Variants in PTPRN2 observed in about 807,000 individuals in gnomAD.
The protein encoded by PTPRN2 is protein tyrosine phosphatase receptor type N2.
PTPRN2 carries 74 observed loss-of-function variants against 118.8 expected under a neutral mutation model. That is an observed-to-expected ratio of 0.62 (90% CI 0.52 to 0.76). PTPRN2 has a LOEUF of 0.76. Among genes scored for constraint, PTPRN2 ranks in the 30% least tolerant of loss-of-function variants. PTPRN2 has a pLI of 0.00. For missense variants in PTPRN2, 1,481 were observed against 1,394.4 expected, an observed-to-expected ratio of 1.06 and a Z score of -0.99; for synonymous variants, 641 against 608.0, an observed-to-expected ratio of 1.05 and a Z score of -0.80.
intron 21 of PTPRN2, among the ~76,000 whole-genome samples, chr7:157,551,941 G>A (rs1396935146): frequency 1.5e-5 from 2 of 136,610 alleles, no homozygotes; most frequent in African/African-American, 2.8e-5. Context: ...GCACCCCACA[G>A]CCACCACACA....
chr7:158,439,272 C>T (rs1586673663), intron 2 of PTPRN2, among the ~76,000 whole-genome samples: 1 of 152,194 alleles, frequency 6.6e-6, no homozygotes, highest in Non-Finnish European at 1.5e-5. Context: ...CATGCCTCAG[C>T]CCCCGACCAC....
At position 158,426,116 on chromosome 7, in the gene PTPRN2, CCG is replaced by C. The variant is rs1815733799; in HGVS notation, c.163+63617_163+63618del. 5.0e-4 allele frequency among the ~76,000 whole-genome samples: 2 copies of C among 3,978 alleles called. 1 individual carries two copies. Among genetic ancestry groups the C allele is most frequent in the Non-Finnish European group, 7.6e-4 (2 of 2,626 alleles). The allele number at this position is 3,978 out of a possible 152,430, so 2.6% of individuals were successfully genotyped here. The stretch of plus-strand genomic sequence containing the variant: ...CGCACCGCCGGGAAAGACGCGGTGT[CCG>C]AGACCAGCCTAGCTGAGGCCTGCGC... On this transcript the variant is annotated intron_variant, in intron 2 of 22. Coordinates refer to ENST00000389418, the MANE Select transcript of PTPRN2 (RefSeq NM_002847.5).
At position 158,546,727 on chromosome 7, in the gene PTPRN2, C is replaced by T. The variant is rs1459105672; in HGVS notation, c.112+40831G>A. Among the ~76,000 whole-genome samples the T allele has an allele frequency of 1.3e-5, 2 of 152,230 alleles. No homozygotes were observed. The highest frequency in any genetic ancestry group is 4.8e-5 in the African/African-American group (2 of 41,458). ...TTGCCTTGGTGAAGACCCCAGCCAC[C>T]AGCCTGGGAGGCCCGGTCACCCCAC... On this transcript the variant is annotated intron_variant, in intron 1 of 22. Transcript: ENST00000389418. This position sits in a 1 kb window ranked among gnomAD's most constrained non-coding sequence, Gnocchi z 5.0.
intron 3 of PTPRN2, among the ~76,000 whole-genome samples, chr7:158,253,379 C>T (rs560188316): frequency 3.9e-5 from 6 of 152,334 alleles, no homozygotes; most frequent in Admixed American, 6.5e-5. Flanking sequence ...CTTTTAACAA[C>T]GTGCTCCTTT....
intron 10 of PTPRN2, among the ~76,000 whole-genome samples, chr7:158,104,528 C>T (rs1440193292): frequency 6.6e-6 from 1 of 152,020 alleles, no homozygotes; most frequent in Non-Finnish European, 1.5e-5. Context: ...GAGAGGAGAA[C>T]AGAAGGGAGA....
At chr7:158,425,413 G>A (rs1273180835) in intron 2 of PTPRN2, among the ~76,000 whole-genome samples, 5 of 40,520 alleles carry the variant, frequency 1.2e-4, no homozygotes, top group Admixed American at 2.3e-4. Context: ...GGAAAGACGC[G>A]GGGTCCGAGA....
chr7:157,896,764 A>G (rs866526542), intron 12 of PTPRN2, among the ~76,000 whole-genome samples: 1 of 152,222 alleles, frequency 6.6e-6, no homozygotes, highest in African/African-American at 2.4e-5. Context: ...CACATGGCAG[A>G]AGCCACTTGG....
intron 11 of PTPRN2, among the ~76,000 whole-genome samples, chr7:158,069,261 C>T (rs1194848916): frequency 6.6e-6 from 1 of 152,190 alleles, no homozygotes; most frequent in Admixed American, 6.5e-5. Context: ...TGGTTGTGAC[C>T]ATGGTTGTGA....
At chr7:158,491,427 C>A (rs1821435688) in intron 1 of PTPRN2, among the ~76,000 whole-genome samples, 1 of 152,166 alleles carries the variant, frequency 6.6e-6, no homozygotes, top group African/African-American at 2.4e-5. Flanking sequence ...CCAATCCAAG[C>A]AGAGATTGTT....
intron 2 of PTPRN2, among the ~76,000 whole-genome samples, chr7:158,342,133 C>T (rs1210443749): frequency 1.3e-5 from 2 of 148,282 alleles, no homozygotes; most frequent in Non-Finnish European, 3.0e-5. Flanking sequence ...ACCATAAGAG[C>T]TGTCGCCCGC....
chr7:157,540,996 G>A (rs948803051), intron 22 of PTPRN2, among the ~76,000 whole-genome samples: 2 of 152,238 alleles, frequency 1.3e-5, no homozygotes, highest in African/African-American at 4.8e-5. Flanking sequence ...CGGTTTGGGA[G>A]ACACAACAGT....
At chr7:157,651,334 G>A (rs187358087) in intron 14 of PTPRN2, among the ~76,000 whole-genome samples, 267 of 152,314 alleles carry the variant, frequency 1.8e-3, no homozygotes, top group African/African-American at 6.2e-3. Context: ...GACTCTCCAA[G>A]GATGAGCGAA....
Position 158,138,517 on chromosome 7 carries a change from T to C in PTPRN2, c.911-2A>G, listed in dbSNP as rs772529540. ...TCAGGAGGGTATGAATCCGTGCTCCTAGGGGCACACACACAAACACAAGGA... is the reference window on the plus strand; with the variant it reads ...TCAGGAGGGTATGAATCCGTGCTCCCAGGGGCACACACACAAACACAAGGA... On this transcript the variant is annotated splice_acceptor_variant, in intron 6 of 22. Coordinates refer to ENST00000389418, the MANE Select transcript of PTPRN2 (RefSeq NM_002847.5). LOFTEE classifies it high-confidence loss of function. 3 of 1,609,836 alleles carry C rather than the reference T, an allele frequency of 1.9e-6. No individual in the cohort carries two copies. Among genetic ancestry groups the C allele is most frequent in the South Asian group, 1.1e-5 (1 of 91,062 alleles).
intron 11 of PTPRN2, among the ~76,000 whole-genome samples, chr7:158,018,243 GT>G (rs1239404088): frequency 6.6e-6 from 1 of 152,224 alleles, no homozygotes; most frequent in African/African-American, 2.4e-5. Flanking sequence ...CTGTGTGCTT[GT>G]TCACAGGCGC....
intron 1 of PTPRN2, among the ~76,000 whole-genome samples, chr7:158,497,962 C>T (rs1757844535): frequency 6.6e-6 from 1 of 152,284 alleles, no homozygotes; most frequent in South Asian, 2.1e-4. Context: ...GGATGAGTGA[C>T]CGTGCCTTAC....
intron 11 of PTPRN2, among the ~76,000 whole-genome samples, chr7:157,985,331 C>T (rs1038516112): frequency 1.3e-5 from 2 of 152,294 alleles, no homozygotes; most frequent in Non-Finnish European, 2.9e-5. Context: ...TTCCATCTTG[C>T]GAGTTTAGCA....
At chr7:158,440,654 T>C (rs1816931627) in intron 2 of PTPRN2, among the ~76,000 whole-genome samples, 1 of 109,980 alleles carries the variant, frequency 9.1e-6, no homozygotes, top group African/African-American at 3.7e-5. Context: ...GCAGTAGTGA[T>C]GGTGGTAGTG....
At chr7:157,621,882 T>C (rs1314632906) in intron 14 of PTPRN2, among the ~76,000 whole-genome samples, 1 of 152,038 alleles carries the variant, frequency 6.6e-6, no homozygotes, top group Admixed American at 6.5e-5. Flanking sequence ...TCATTTTTCT[T>C]AAAACCGGCG....
At chr7:157,963,137 G>C (rs1801660466) in intron 11 of PTPRN2, among the ~76,000 whole-genome samples, 1 of 152,254 alleles carries the variant, frequency 6.6e-6, no homozygotes, top group South Asian at 2.1e-4. Flanking sequence ...CAGCCACGGT[G>C]CAAGTCAGAT....
Sources: allele counts gnomAD v4.1 joint callset (sites outside exome capture counted in the v4.1 genomes callset), GRCh38; gene constraint gnomAD v4.1.1; non-coding constraint Gnocchi (gnomAD v3.1); transcripts MANE v1.5; gene names NCBI Gene and HGNC (gene_info 2026-07-23, HGNC 2026-07-21).